RPS6KC1: variants seen among roughly 807,000 people sequenced by gnomAD.
The protein encoded by RPS6KC1 is ribosomal protein S6 kinase C1, also known as inactive ribosomal protein S6 kinase delta-1.
Under a neutral mutation model 103.8 loss-of-function variants are expected in RPS6KC1, and 54 were observed. The ratio of observed to expected loss-of-function variants is 0.52; its 90% CI spans 0.42 to 0.65. The LOEUF (loss-of-function observed/expected upper bound fraction) is 0.65, where lower values mean the gene tolerates loss of function less well. Ranked by LOEUF, RPS6KC1 falls within the 30% of genes least tolerant of loss-of-function variation. The pLI is 0.00. For synonymous variants in RPS6KC1, 439 were observed against 438.7 expected (o/e 1.00, Z -0.01); for missense variants, 1,151 against 1,253.8 (o/e 0.92, Z 1.24).
At chr1:213,368,416 C>T in the RPS6KC1 span, among the ~76,000 whole-genome samples, 1 of 152,140 alleles carries the variant, frequency 6.6e-6, no homozygotes, top group Non-Finnish European at 1.5e-5. Context: ...TCCGCGCCTG[C>T]TATACACAGC....
the RPS6KC1 span, among the ~76,000 whole-genome samples, chr1:213,637,559 G>A: frequency 7.5e-6 from 1 of 133,662 alleles, no homozygotes; most frequent in East Asian, 2.1e-4. Flanking sequence ...AGAACTTAAA[G>A]TATAATAATT....
intron 6 of RPS6KC1, among the ~76,000 whole-genome samples, chr1:213,157,043 C>T (rs575838509): frequency 3.6e-4 from 55 of 152,090 alleles, no homozygotes; most frequent in Non-Finnish European, 5.1e-4. Flanking sequence ...GTGTTTAAAA[C>T]TATTAGTGTC....
At chr1:213,263,024 G>A (rs1268163421) in intron 14 of RPS6KC1, among the ~76,000 whole-genome samples, 2 of 151,904 alleles carry the variant, frequency 1.3e-5, no homozygotes, top group Non-Finnish European at 2.9e-5. Context: ...AAAACTTCTT[G>A]GTATTAATTT....
the RPS6KC1 span, among the ~76,000 whole-genome samples, chr1:213,699,355 C>T: frequency 2.0e-5 from 3 of 152,098 alleles, no homozygotes; most frequent in African/African-American, 7.2e-5. Flanking sequence ...AACATAGTGA[C>T]CTCCAGTTCC....
At chr1:213,703,685 T>C in the RPS6KC1 span, among the ~76,000 whole-genome samples, 2 of 152,196 alleles carry the variant, frequency 1.3e-5, no homozygotes, top group Non-Finnish European at 2.9e-5. Flanking sequence ...TTTGTAAGGT[T>C]CCCACTGAAA....
At position 213,151,959 on chromosome 1, in the gene RPS6KC1, G is replaced by A. The variant is rs375897765; in HGVS notation, c.836-15899G>A. ...CCCCCACCTCCCTCCCGGATGGGGC[G>A]GCTGGCCGGGCAGAGGGGCTCCTCA... On this transcript the variant is annotated intron_variant, in intron 6 of 14. Coordinates refer to ENST00000366960, the MANE Select transcript of RPS6KC1 (RefSeq NM_012424.6). Among the ~76,000 whole-genome samples, 883 of 125,426 alleles carry A rather than the reference G, an allele frequency of 7.0e-3. 13 individuals carry two copies. The highest frequency in any genetic ancestry group is 0.057 in the East Asian group (215 of 3,784). The allele number at this position is 125,426 out of a possible 152,430, so 82.3% of individuals were successfully genotyped here.
At chr1:213,093,408 C>T (rs1219026860) in intron 3 of RPS6KC1, among the ~76,000 whole-genome samples, 2 of 151,916 alleles carry the variant, frequency 1.3e-5, no homozygotes, top group Non-Finnish European at 2.9e-5. Flanking sequence ...TGGGGTTTCA[C>T]CATGTTGGCC....
chr1:213,655,360 T>C, the RPS6KC1 span, among the ~76,000 whole-genome samples: 2 of 152,252 alleles, frequency 1.3e-5, no homozygotes. Context: ...TATTTCTATC[T>C]GTCCCTTAAA....
chr1:213,649,835 G>C, the RPS6KC1 span, among the ~76,000 whole-genome samples: 8 of 152,304 alleles, frequency 5.3e-5, no homozygotes, highest in East Asian at 1.5e-3. Context: ...CAAGCATAGA[G>C]AACTCTTGCT....
intron 8 of RPS6KC1, among the ~76,000 whole-genome samples, chr1:213,192,000 C>CT (rs558010233): frequency 1.3e-5 from 2 of 151,670 alleles, no homozygotes; most frequent in Non-Finnish European, 2.9e-5. Context: ...TAGATCTGCC[C>CT]GATTCAGCCT....
the RPS6KC1 span, among the ~76,000 whole-genome samples, chr1:213,764,236 T>C: frequency 2.6e-5 from 4 of 152,322 alleles, no homozygotes; most frequent in East Asian, 7.7e-4. Context: ...ATGAAAACTT[T>C]GGCGGATCAG....
chr1:213,758,977 T>C, the RPS6KC1 span, among the ~76,000 whole-genome samples: 1 of 152,222 alleles, frequency 6.6e-6, no homozygotes, highest in South Asian at 2.1e-4. Context: ...TTGACTCCAA[T>C]TTTGACAGAA....
the RPS6KC1 span, among the ~76,000 whole-genome samples, chr1:213,632,396 G>A: frequency 6.6e-6 from 1 of 152,196 alleles, no homozygotes; most frequent in Non-Finnish European, 1.5e-5. Context: ...TGATACCCAG[G>A]CAAACGGGGT....
chr1:213,665,333 G>C, the RPS6KC1 span, among the ~76,000 whole-genome samples: 1 of 151,478 alleles, frequency 6.6e-6, no homozygotes, highest in Admixed American at 6.6e-5. Context: ...TAAGCAATAA[G>C]GGAAAAAAAT....
At chr1:213,638,118 C>T in the RPS6KC1 span, among the ~76,000 whole-genome samples, 3 of 152,158 alleles carry the variant, frequency 2.0e-5, no homozygotes, top group African/African-American at 7.2e-5. Flanking sequence ...TGTTCCTGGC[C>T]TTATTGTGGC....
intron 6 of RPS6KC1, among the ~76,000 whole-genome samples, chr1:213,131,743 C>T (rs1049782924): frequency 2.6e-5 from 4 of 152,196 alleles, no homozygotes; most frequent in Non-Finnish European, 4.4e-5. Flanking sequence ...TGCACCAGGC[C>T]ATCTGTTGGG....
At chr1:213,258,509 A>G (rs577971339) in intron 12 of RPS6KC1, among the ~76,000 whole-genome samples, 14 of 152,338 alleles carry the variant, frequency 9.2e-5, no homozygotes, top group Admixed American at 2.0e-4. Context: ...AAAGCATAGA[A>G]TTCTATGGAG....
the RPS6KC1 span, among the ~76,000 whole-genome samples, chr1:213,787,726 CTT>C: frequency 2.1e-4 from 32 of 152,228 alleles, no homozygotes; most frequent in Non-Finnish European, 4.4e-4. Context: ...TTTTGTAACA[CTT>C]TAACAATCTG....
the RPS6KC1 span, chr1:213,821,383 A>G: frequency 2.0e-5 from 3 of 151,918 alleles, no homozygotes; most frequent in Non-Finnish European, 4.4e-5. Flanking sequence ...GCCCAGAAGG[A>G]AGCAGACACT....
Sources: allele counts gnomAD v4.1 joint callset (sites outside exome capture counted in the v4.1 genomes callset), GRCh38; gene constraint gnomAD v4.1.1; transcripts MANE v1.5; gene names NCBI Gene and HGNC (gene_info 2026-07-23, HGNC 2026-07-21).